The following LRFN5 variants were observed in gnomAD, a reference collection of about 807,000 sequenced individuals.
The protein encoded by LRFN5 is leucine-rich repeat and fibronectin type-III domain-containing protein 5.
LRFN5 carries 24 observed loss-of-function variants against 45.6 expected under a neutral mutation model. The observed-to-expected ratio is 0.53, with a 90% confidence interval of 0.38 to 0.74. The LOEUF is 0.74. Ranked by LOEUF, LRFN5 falls within the 30% of genes least tolerant of loss-of-function variation. The pLI is 0.00. For missense variants in LRFN5, 776 were observed against 861.5 expected (o/e 0.90, Z 1.24); for synonymous variants, 340 against 313.8 (o/e 1.08, Z -0.88).
chr14:41,789,729 A>T (rs1406630532), intron 2 of LRFN5, among the ~76,000 whole-genome samples: 2 of 151,964 alleles, frequency 1.3e-5, no homozygotes, highest in African/African-American at 4.8e-5. Context: ...GTTCTTTTCT[A>T]ATTTTAATTT....
At chr14:41,720,022 ATATGAG>A (rs900155701) in intron 1 of LRFN5, among the ~76,000 whole-genome samples, 8 of 152,066 alleles carry the variant, frequency 5.3e-5, no homozygotes, top group African/African-American at 1.9e-4. Flanking sequence ...CAGGTTTGTC[ATATGAG>A]TATATCGTGT....
At chr14:41,669,938 TA>T (rs11418822) in intron 1 of LRFN5, among the ~76,000 whole-genome samples, 2 of 149,008 alleles carry the variant, frequency 1.3e-5, no homozygotes, top group Non-Finnish European at 1.5e-5. Context: ...TATAGTTAAA[TA>T]AAAAAAATTT....
chr14:41,656,539 T>C (rs1318819769), intron 1 of LRFN5, among the ~76,000 whole-genome samples: 1 of 151,904 alleles, frequency 6.6e-6, no homozygotes, highest in Non-Finnish European at 1.5e-5. Flanking sequence ...TCAGGATGAA[T>C]ATTGGGCATG....
chr14:41,762,825 G>C (rs1407598835), intron 1 of LRFN5, among the ~76,000 whole-genome samples: 1 of 151,936 alleles, frequency 6.6e-6, no homozygotes, highest in Non-Finnish European at 1.5e-5. Context: ...TTTCAAAACA[G>C]CTGGTTTTTG....
At chr14:41,774,230 T>A (rs1886196735) in intron 2 of LRFN5, among the ~76,000 whole-genome samples, 1 of 152,218 alleles carries the variant, frequency 6.6e-6, no homozygotes, top group South Asian at 2.1e-4. Flanking sequence ...ACTGACTCAA[T>A]GTAAGGTTAT....
chr14:41,800,268 A>G (rs1209566864), intron 2 of LRFN5, among the ~76,000 whole-genome samples: 1 of 151,564 alleles, frequency 6.6e-6, no homozygotes, highest in Non-Finnish European at 1.5e-5. Flanking sequence ...GTTTCTTAAA[A>G]TACTGATCAC....
rs144126612 is a variant in LRFN5 at position 41,844,385 on chromosome 14, G to A, written c.-20-42221G>A. On this transcript the variant is annotated intron_variant, in intron 2 of 5. Coordinates refer to ENST00000298119, the MANE Select transcript of LRFN5 (RefSeq NM_152447.5). The stretch of plus-strand genomic sequence containing the variant: ...CCAGGAGGCAGAGCTTGCAGTGAGC[G>A]GAGATCTTGCCACCACACTCCAGCC... Among the ~76,000 whole-genome samples, 11 of 150,534 alleles carry A rather than the reference G, an allele frequency of 7.3e-5. No homozygotes were observed. The East Asian group carries it at 1.2e-3, about 16-fold the overall frequency.
intron 2 of LRFN5, among the ~76,000 whole-genome samples, chr14:41,826,764 T>G (rs999141278): frequency 6.6e-6 from 1 of 152,122 alleles, no homozygotes; most frequent in African/African-American, 2.4e-5. Flanking sequence ...GACATGTTAT[T>G]TAAATAAATA....
intron 5 of LRFN5, 122 bp from the exon 6 acceptor site, chr14:41,904,033 ACTC>A (rs1891175356): frequency 1.4e-6 from 1 of 724,754 alleles, no homozygotes; most frequent in South Asian, 1.9e-5. Flanking sequence ...ATGGCAAGCA[ACTC>A]CTCCTTGGGT....
intron 2 of LRFN5, among the ~76,000 whole-genome samples, chr14:41,806,024 G>C (rs765800544): frequency 6.6e-5 from 10 of 152,100 alleles, no homozygotes; most frequent in Admixed American, 3.3e-4. Context: ...AACTTGCAGT[G>C]CCAGTTCTGT....
intron 2 of LRFN5, among the ~76,000 whole-genome samples, chr14:41,781,813 G>GT (rs1175245181): frequency 6.6e-6 from 1 of 151,998 alleles, no homozygotes; most frequent in Admixed American, 6.6e-5. Context: ...GCTAGATACA[G>GT]TATCACAGGT....
At chr14:41,825,935 C>T (rs1261638110) in intron 2 of LRFN5, among the ~76,000 whole-genome samples, 3 of 152,190 alleles carry the variant, frequency 2.0e-5, no homozygotes, top group African/African-American at 7.2e-5. Context: ...TTCCATAGGA[C>T]TTCAAGTTCT....
chr14:41,882,263 C>T (rs12883822), intron 2 of LRFN5, among the ~76,000 whole-genome samples: 101,868 of 151,710 alleles, frequency 0.67, 34,293 homozygotes, highest in Middle Eastern at 0.78. Flanking sequence ...ACCTACCCCA[C>T]AGTCTACGAA....
At chr14:41,733,515 A>T (rs1884272359) in intron 1 of LRFN5, 1 of 152,158 alleles carries the variant, frequency 6.6e-6, no homozygotes, top group South Asian at 2.1e-4. Flanking sequence ...AAGCTGAAGT[A>T]GTTATTACCA....
chr14:41,865,024 C>T (rs1889790937), intron 2 of LRFN5, among the ~76,000 whole-genome samples: 1 of 151,966 alleles, frequency 6.6e-6, no homozygotes, highest in Admixed American at 6.6e-5. Flanking sequence ...TAGAATTTTA[C>T]TTTTCTATTT....
chr14:41,614,753 A>G (rs1887875630), intron 1 of LRFN5, among the ~76,000 whole-genome samples: 1 of 152,098 alleles, frequency 6.6e-6, no homozygotes, highest in African/African-American at 2.4e-5. Context: ...AAATAGGGCT[A>G]ATAATATGAC....
chr14:41,681,649 C>T (rs528316480), intron 1 of LRFN5, among the ~76,000 whole-genome samples: 159 of 152,054 alleles, frequency 1.0e-3, no homozygotes, highest in Non-Finnish European at 1.3e-3. Flanking sequence ...AAAGGGAGTT[C>T]TTCAGACTGA....
chr14:41,625,533 G>A (rs1258477112), intron 1 of LRFN5, among the ~76,000 whole-genome samples: 1 of 152,104 alleles, frequency 6.6e-6, no homozygotes, highest in Admixed American at 6.6e-5. Flanking sequence ...GCGTGAGAAT[G>A]GATGAATACA....
At chr14:41,705,905 C>T (rs1228633795) in intron 1 of LRFN5, among the ~76,000 whole-genome samples, 1 of 152,118 alleles carries the variant, frequency 6.6e-6, no homozygotes, top group South Asian at 2.1e-4. Flanking sequence ...TTGTGTTCAA[C>T]GTATACACAT....
Sources: allele counts gnomAD v4.1 joint callset (sites outside exome capture counted in the v4.1 genomes callset), GRCh38; gene constraint gnomAD v4.1.1; transcripts MANE v1.5; gene names NCBI Gene and HGNC (gene_info 2026-07-23, HGNC 2026-07-21).